The following IFFO1 variants were observed in gnomAD, a reference collection of about 807,000 sequenced individuals.
IFFO1 encodes intermediate filament family orphan 1, also known as non-homologous end joining factor IFFO1.
In IFFO1, 42 loss-of-function variants were observed where a neutral mutation model predicts 59.6. The ratio of observed to expected loss-of-function variants is 0.70; its 90% CI spans 0.55 to 0.91. IFFO1 has a LOEUF of 0.91. Among genes scored for constraint, IFFO1 ranks in the 40% least tolerant of loss-of-function variants. The probability of loss-of-function intolerance (pLI) is 0.00; values close to 1 mark genes in which losing one functional copy is unlikely to be tolerated. For synonymous variants in IFFO1, 336 were observed against 342.8 expected, an observed-to-expected ratio of 0.98 and a Z score of 0.22; for missense variants, 711 against 793.2, an observed-to-expected ratio of 0.90 and a Z score of 1.24.
At chr12:6,553,172 AG>A (rs1474934076) in intron 1 of IFFO1, among the ~76,000 whole-genome samples, 1 of 152,180 alleles carries the variant, frequency 6.6e-6, no homozygotes, top group Non-Finnish European at 1.5e-5. Flanking sequence ...CAGGGAATCT[AG>A]GGAGGAAGAA....
At position 6,549,082 on chromosome 12, in the gene IFFO1, G is replaced by A; in HGVS notation, c.1081-233C>T. The A allele has an allele frequency of 1.7e-6, 1 of 578,206 alleles. No individual in the cohort carries two copies. Among genetic ancestry groups the A allele is most frequent in the South Asian group, 2.2e-5 (1 of 45,432 alleles). 35.8% of individuals were successfully genotyped at this position (578,206 alleles called of 1,614,324 possible). On this transcript the variant is annotated intron_variant, in intron 5 of 9. Transcript: ENST00000619571. The surrounding 1 kb of genome is among the most constrained non-coding windows in gnomAD (Gnocchi z 5.0). ...GAACAAGAAGAAATCGAGAAGAAGA[G>A]CAGTCAGACAAGGAAGGAAGGGCTC...
rs1430889862 is a variant in IFFO1, at chr12:6,549,301, T to G, written c.1080+175A>C. On this transcript the variant is annotated intron_variant, in intron 5 of 9. Transcript: ENST00000619571. This position sits in a 1 kb window ranked among gnomAD's most constrained non-coding sequence, Gnocchi z 5.0. ...CCGGGGGAGAAGGGAGAGAAAGAAA[T>G]GCAGTCAAGAGAACAAGAGATAGAG... 4.5e-6 allele frequency: 3 copies of G among 662,656 alleles called. No homozygotes were observed. Among genetic ancestry groups the G allele is most frequent in the Non-Finnish European group, 8.0e-6 (3 of 375,308 alleles). 41.0% of individuals were successfully genotyped at this position (662,656 alleles called of 1,614,324 possible). A position where few individuals can be genotyped will look rare whatever the true frequency, so the allele number is the denominator to read the frequency against.
Position 6,548,853 on chromosome 12 carries a change from CAGAGACG to C in IFFO1, c.1081-11_1081-5del, listed in dbSNP as rs1446321031. The C allele has an allele frequency of 1.9e-6, 3 of 1,604,616 alleles. No homozygotes were observed. Among genetic ancestry groups the C allele is most frequent in the South Asian group, 2.2e-5 (2 of 90,280 alleles). On this transcript the variant is annotated splice_polypyrimidine_tract_variant and splice_region_variant and intron_variant, in intron 5 of 9. Coordinates refer to ENST00000619571, the MANE Select transcript of IFFO1 (RefSeq NM_001193457.2). The surrounding 1 kb of genome is among the most constrained non-coding windows in gnomAD (Gnocchi z 6.1). ...TAATGGGAGACAAGTGCAGAGACTA[CAGAGACG>C]AGGCCGGGTGCATGAGGAGAAAGGG...
chr12:6,542,848 G>A (rs552986563), intron 8 of IFFO1, among the ~76,000 whole-genome samples: 28 of 152,322 alleles, frequency 1.8e-4, no homozygotes, highest in Middle Eastern at 3.4e-3. Context: ...AGTGCAGGGA[G>A]CTGGGTTCTG....
rs757546786 is a variant in IFFO1 at position 6,548,784 on chromosome 12, G to A, written c.1146C>T (p.Ala382=). ...MGGRKRERKA[A]VEEDTSLSES... ...CCGACAGGGAGGTGTCCTCCTCGAC[G>A]GCAGCCTTGCGCTCCCGCTTCCGCC... is the stretch of plus-strand genomic sequence containing the variant. Residue 382 remains alanine, a synonymous_variant, in exon 6 of 10, where the codon GCC becomes GCT. Coordinates refer to ENST00000619571, the MANE Select transcript of IFFO1 (RefSeq NM_001193457.2). The surrounding 1 kb of genome is among the most constrained non-coding windows in gnomAD (Gnocchi z 6.1). 56 of 1,613,790 alleles carry A rather than the reference G, an allele frequency of 3.5e-5. No individual in the cohort carries two copies. The highest frequency in any genetic ancestry group is 8.0e-5 in the African/African-American group (6 of 74,932).
chr12:6,542,932 GC>G (rs574615278), intron 8 of IFFO1, among the ~76,000 whole-genome samples: 28 of 152,326 alleles, frequency 1.8e-4, no homozygotes, highest in African/African-American at 6.7e-4. Context: ...GGCTAGTACT[GC>G]CACCAGTAGT....
At chr12:6,550,627 A>G in intron 3 of IFFO1, 68 bp downstream of exon 3, 1 of 1,238,218 alleles carries the variant, frequency 8.1e-7, no homozygotes, top group Non-Finnish European at 1.2e-6. Context: ...GGCCAACACT[A>G]GAAGGGCCTA....
rs369816764 is a variant in IFFO1, at chr12:6,555,470, G to A, written c.560C>T (p.Ser187Leu). The A allele has an allele frequency of 9.9e-6, 16 of 1,612,812 alleles. No homozygotes were observed. Among genetic ancestry groups the A allele is most frequent in the East Asian group, 4.5e-5 (2 of 44,782 alleles). The change falls in exon 1 of 10, where the codon TCG becomes TTG. Residue 187 changes from serine (S) to leucine (L), a missense_variant. Physicochemically the swap from Ser to Leu is moderately radical, Grantham distance 145. Coordinates refer to ENST00000619571, the MANE Select transcript of IFFO1 (RefSeq NM_001193457.2). This position sits in a 1 kb window ranked among gnomAD's most constrained non-coding sequence, Gnocchi z 8.6. ...GGTGCCGGGCATGAAGCGGGCCGAC[G>A]AGGAATAGGTGGTGGAGGTGGAGGT... ...SSTSTSTTYS[S>L]SARFMPGTIW... is the part of the protein sequence containing the mutation.
chr12:6,542,480 A>T (rs1946762380), intron 8 of IFFO1, among the ~76,000 whole-genome samples: 1 of 152,222 alleles, frequency 6.6e-6, no homozygotes, highest in Admixed American at 6.5e-5. Flanking sequence ...AAGCAAAATG[A>T]AACTTCCTGG....
At chr12:6,553,136 T>C (rs1297442826) in intron 1 of IFFO1, among the ~76,000 whole-genome samples, 1 of 152,100 alleles carries the variant, frequency 6.6e-6, no homozygotes, top group African/African-American at 2.4e-5. Flanking sequence ...AGTTACAGTG[T>C]TGCTATAAAG....
At position 6,555,520 on chromosome 12, in the gene IFFO1, G is replaced by A. The variant is rs917871520; in HGVS notation, c.510C>T (p.Ser170=). The change falls in exon 1 of 10, where the codon TCC becomes TCT. Residue 170 remains serine (S), a synonymous_variant. Transcript: ENST00000619571. The surrounding 1 kb of genome is among the most constrained non-coding windows in gnomAD (Gnocchi z 8.6). ...ARSPAGPLAP[S]AASLSSSSTS... ...TGGAGGACGACGAGAGGCTGGCCGCGGAGGGCGCGAGGGGGCCGGCCGGGG... is the reference window on the plus strand; with the variant it reads ...TGGAGGACGACGAGAGGCTGGCCGCAGAGGGCGCGAGGGGGCCGGCCGGGG... 1.9e-6 allele frequency: 3 copies of A among 1,574,680 alleles called. No homozygotes were observed. Among genetic ancestry groups the A allele is most frequent in the Non-Finnish European group, 2.6e-6 (3 of 1,161,858 alleles).
intron 8 of IFFO1, among the ~76,000 whole-genome samples, chr12:6,546,546 C>T (rs556311813): frequency 2.6e-5 from 4 of 152,290 alleles, no homozygotes; most frequent in South Asian, 4.1e-4. Context: ...TGCAGTGGTG[C>T]GATCTCGGCT....
Position 6,555,159 on chromosome 12 carries a change from A to G in IFFO1, c.773+98T>C. 1 of 1,245,424 alleles carries G rather than the reference A, an allele frequency of 8.0e-7. No individual in the cohort carries two copies. The allele number at this position is 1,245,424 out of a possible 1,614,324, so 77.1% of individuals were successfully genotyped here. Reference sequence around the variant, plus strand: ...ATTACACAGCACAAACTTTACTCTCATTCTTTTCACCCCTGATTCTTCGGA... The same window carrying G: ...ATTACACAGCACAAACTTTACTCTCGTTCTTTTCACCCCTGATTCTTCGGA... On this transcript the variant is annotated intron_variant, in intron 1 of 9. Transcript: ENST00000619571. The surrounding 1 kb of genome is among the most constrained non-coding windows in gnomAD (Gnocchi z 8.6).
intron 8 of IFFO1, chr12:6,543,438 C>A (rs1946809247): frequency 6.6e-6 from 1 of 152,170 alleles, no homozygotes; most frequent in Non-Finnish European, 1.5e-5. Context: ...AGATCCGCGG[C>A]GGCATTAGAT....
Position 6,546,390 on chromosome 12 carries a change from C to A in IFFO1, c.1479+1675G>T, listed in dbSNP as rs561111708. 2.0e-5 allele frequency among the ~76,000 whole-genome samples: 3 copies of A among 152,296 alleles called. No homozygotes were observed. In the East Asian group the frequency reaches 5.8e-4, roughly 29 times the overall value. ...CAAAGTCAGAGCGTCGGGAAAGGACCACCTCACCAGGCCAGGAGAGCTCAC... is the reference window on the plus strand; with the variant it reads ...CAAAGTCAGAGCGTCGGGAAAGGACAACCTCACCAGGCCAGGAGAGCTCAC... On this transcript the variant is annotated intron_variant, in intron 8 of 9. Transcript: ENST00000619571.
In IFFO1 at chr12:6,555,907, C is replaced by G. The variant is rs1459643412; in HGVS notation, c.123G>C (p.Ala41=). The part of the protein sequence containing the change: ...HFAGGGDLPP[A]PLSPAGPAAY... ...CAGCAGGGCCGGCCGGCGAGAGAGG[C>G]GCCGGGGGCAAGTCTCCTCCCCCGG... is the stretch of plus-strand genomic sequence containing the variant. Residue 41 remains alanine, a synonymous_variant, in exon 1 of 10, where the codon GCG becomes GCC. Coordinates refer to ENST00000619571, the MANE Select transcript of IFFO1 (RefSeq NM_001193457.2). This position sits in a 1 kb window ranked among gnomAD's most constrained non-coding sequence, Gnocchi z 8.6. 2 of 1,554,150 alleles carry G rather than the reference C, an allele frequency of 1.3e-6. No individual in the cohort carries two copies. Among genetic ancestry groups the G allele is most frequent in the African/African-American group, 1.4e-5 (1 of 72,984 alleles).
chr12:6,545,087 C>T (rs1358884826), intron 8 of IFFO1, among the ~76,000 whole-genome samples: 2 of 151,736 alleles, frequency 1.3e-5, no homozygotes, highest in Admixed American at 1.3e-4. Context: ...TAGTGGCAGG[C>T]GCCTGTAGTC....
At position 6,548,481 on chromosome 12, in the gene IFFO1, G is replaced by T; in HGVS notation, c.1327C>A (p.Leu443Met). The T allele has an allele frequency of 6.2e-7, 1 of 1,614,050 alleles. No individual in the cohort carries two copies. The highest frequency in any genetic ancestry group is 8.5e-7 in the Non-Finnish European group (1 of 1,179,934). ...LTWEETEETLLLWEDFSGYAM... is the reference protein window; with the variant it reads ...LTWEETEETLMLWEDFSGYAM... ...TAGCCTGAGAAATCCTCCCAAAGCA[G>T]CAGGGTCTCCTCAGTCTCCTCCCAA... The change falls in exon 7 of 10, where the codon CTG becomes ATG. Residue 443 changes from leucine (L) to methionine (M), a missense_variant. By Grantham distance (15) the Leu-to-Met change is conservative. Around this residue, in one of 3 missense-constraint regions of IFFO1, gnomAD observed 579 missense variants for 650.3 expected, o/e 0.89. Transcript: ENST00000619571. This position sits in a 1 kb window ranked among gnomAD's most constrained non-coding sequence, Gnocchi z 6.1.
intron 8 of IFFO1, among the ~76,000 whole-genome samples, chr12:6,545,218 A>T (rs867925798): frequency 7.9e-5 from 12 of 152,136 alleles, no homozygotes; most frequent in South Asian, 2.1e-4. Flanking sequence ...ACGTCTCAAA[A>T]AAATAAATAA....
Sources: gnomAD v4.1 joint callset for allele counts (sites outside exome capture counted in the v4.1 genomes callset) on GRCh38, gnomAD v4.1.1 for gene constraint, gnomAD v4.1.1 regional missense constraint, Gnocchi (gnomAD v3.1) non-coding constraint, MANE v1.5 for transcripts, NCBI Gene and HGNC (gene_info 2026-07-23, HGNC 2026-07-21) for gene names.